The following ZNF236 variants were observed in gnomAD, a reference collection of about 807,000 sequenced individuals.
ZNF236 encodes the protein zinc finger protein 236, also known as regulated by glucose.
A neutral mutation model predicts 191.2 loss-of-function variants in ZNF236; 50 were observed. The observed-to-expected ratio is 0.26, with a 90% CI of 0.21 to 0.33. The LOEUF (loss-of-function observed/expected upper bound fraction) is 0.33. ZNF236 is among the 10% of genes least tolerant of loss of function. The pLI, the probability that ZNF236 is intolerant of heterozygous loss-of-function variation, is 1.00. For missense variants in ZNF236, 1,754 were observed against 2,374.5 expected (o/e 0.74, Z 5.43); for synonymous variants, 907 against 928.8 (o/e 0.98, Z 0.43).
chr18:76,910,035 T>C, intron 14 of ZNF236, 33 bp from the exon 15 acceptor site: 5 of 1,535,600 alleles, frequency 3.3e-6, no homozygotes, highest in Non-Finnish European at 4.5e-6. Flanking sequence ...CTTCCAAATG[T>C]ATGCGTCCCC....
Position 76,956,318 on chromosome 18 carries a change from A to T in ZNF236, c.5112+136A>T, listed in dbSNP as rs555420409. ...CGGTTTTTGAGGAAAAGGTCACTAG[A>T]TGTAGATGTATTGTTCCGGTTGTAA... On this transcript the variant is annotated intron_variant, in intron 28 of 30. Coordinates refer to ENST00000320610, the MANE Select transcript of ZNF236 (RefSeq NM_001306089.2). The T allele has an allele frequency of 7.2e-6, 7 of 973,358 alleles. No homozygotes were observed. In the African/African-American group the frequency reaches 8.2e-5, roughly 11 times the overall value. The allele number at this position is 973,358 out of a possible 1,614,324, so 60.3% of individuals were successfully genotyped here.
chr18:76,826,887 A>AT (rs1198008325), intron 1 of ZNF236, among the ~76,000 whole-genome samples: 2 of 150,862 alleles, frequency 1.3e-5, no homozygotes, highest in Admixed American at 6.6e-5. Flanking sequence ...TTCAACAACT[A>AT]TTTTTTTGTT....
chr18:76,909,462 A>G (rs1458011624), intron 14 of ZNF236, among the ~76,000 whole-genome samples: 1 of 152,148 alleles, frequency 6.6e-6, no homozygotes, highest in South Asian at 2.1e-4. Flanking sequence ...CTCAGTGTAG[A>G]TTCAAAGATG....
intron 10 of ZNF236, chr18:76,898,115 G>A (rs1977488462): frequency 6.6e-6 from 1 of 152,354 alleles, no homozygotes; most frequent in Middle Eastern, 3.4e-3. Flanking sequence ...TTTGATCTGA[G>A]AAGACCTGAA....
intron 1 of ZNF236, among the ~76,000 whole-genome samples, chr18:76,843,028 T>G (rs139150630): frequency 5.3e-5 from 8 of 152,300 alleles, no homozygotes; most frequent in African/African-American, 1.7e-4. Flanking sequence ...AGTCCGAGCA[T>G]TTGGCTTTCT....
intron 11 of ZNF236, among the ~76,000 whole-genome samples, chr18:76,903,264 T>A (rs1977651708): frequency 6.6e-6 from 1 of 152,160 alleles, no homozygotes; most frequent in Admixed American, 6.5e-5. Context: ...GATGCAAGTT[T>A]AAGAGACATT....
Position 76,971,738 on chromosome 18 carries a change from C to G in ZNF236, c.*3399C>G, listed in dbSNP as rs186643224. ...ATTTTAACATGAAATGACCATCACA[C>G]AGATTTATGTTTGGAAATATTCAAG... On this transcript the variant is annotated 3_prime_UTR_variant, in exon 31 of 31. Coordinates refer to ENST00000320610, the MANE Select transcript of ZNF236 (RefSeq NM_001306089.2). Among the ~76,000 whole-genome samples the G allele has an allele frequency of 2.6e-5, 4 of 152,254 alleles. No homozygotes were observed. The highest frequency in any genetic ancestry group is 1.9e-4 in the East Asian group (1 of 5,192).
intron 18 of ZNF236, among the ~76,000 whole-genome samples, chr18:76,915,065 A>G (rs1002800937): frequency 1.3e-5 from 2 of 152,238 alleles, no homozygotes; most frequent in African/African-American, 2.4e-5. Flanking sequence ...GAGAGCAGCA[A>G]TATATGACTT....
rs969347331 is a variant in ZNF236, at chr18:76,927,631, G to A, written c.4414+114G>A. On this transcript the variant is annotated intron_variant, in intron 24 of 30. Coordinates refer to ENST00000320610, the MANE Select transcript of ZNF236 (RefSeq NM_001306089.2). The surrounding 1 kb of genome is among the most constrained non-coding windows in gnomAD (Gnocchi z 5.4). ...GTCATTTTCTTCTCTTTGTAGAAGA[G>A]AATAAATCAAATGTCCTGAGAATAA... is the stretch of plus-strand genomic sequence containing the variant. 5 of 1,349,018 alleles carry A rather than the reference G, an allele frequency of 3.7e-6. No homozygotes were observed. The highest frequency in any genetic ancestry group is 4.0e-6 in the Non-Finnish European group (4 of 1,007,970). The allele number at this position is 1,349,018 out of a possible 1,614,324, so 83.6% of individuals were successfully genotyped here.
intron 3 of ZNF236, among the ~76,000 whole-genome samples, chr18:76,859,621 G>A (rs1477476523): frequency 6.6e-6 from 1 of 152,074 alleles, no homozygotes; most frequent in Non-Finnish European, 1.5e-5. Flanking sequence ...CACAGCAACC[G>A]TGGAAACTTA....
intron 25 of ZNF236, among the ~76,000 whole-genome samples, chr18:76,929,538 G>A (rs977094933): frequency 6.6e-6 from 1 of 152,120 alleles, no homozygotes; most frequent in Non-Finnish European, 1.5e-5. Flanking sequence ...TGTGGATTGT[G>A]CCTCTGTTCT....
chr18:76,942,550 C>T (rs1244703841), intron 26 of ZNF236, among the ~76,000 whole-genome samples: 1 of 151,450 alleles, frequency 6.6e-6, no homozygotes, highest in African/African-American at 2.4e-5. Flanking sequence ...CTCGCTCTGT[C>T]GCCCAGGCTG....
intron 4 of ZNF236, among the ~76,000 whole-genome samples, chr18:76,870,635 C>T (rs747494739): frequency 3.2e-4 from 49 of 152,086 alleles, no homozygotes; most frequent in Non-Finnish European, 5.9e-4. Flanking sequence ...TGGGTGTGTG[C>T]AGTGTGGCTG....
At chr18:76,845,740 T>C (rs748094297) in intron 1 of ZNF236, among the ~76,000 whole-genome samples, 16 of 152,092 alleles carry the variant, frequency 1.1e-4, no homozygotes, top group Non-Finnish European at 2.2e-4. Context: ...TCCCATCTAC[T>C]TGGGAGGCTG....
Position 76,921,017 on chromosome 18 carries a change from C to T in ZNF236, c.3557+959C>T, listed in dbSNP as rs576789772. ...TATTCAGCAACTTAATAAAACAAAC[C>T]GTGAAGATTTTAATATTGCAGGATG... is the stretch of plus-strand genomic sequence containing the variant. On this transcript the variant is annotated intron_variant, in intron 20 of 30. Transcript: ENST00000320610. Among the ~76,000 whole-genome samples the T allele has an allele frequency of 3.9e-5, 6 of 152,216 alleles. 1 individual carries two copies. The highest frequency in any genetic ancestry group is 7.2e-5 in the African/African-American group (3 of 41,516).
At chr18:76,853,952 A>G (rs1196288670) in intron 3 of ZNF236, among the ~76,000 whole-genome samples, 4 of 151,864 alleles carry the variant, frequency 2.6e-5, no homozygotes, top group African/African-American at 9.7e-5. Context: ...GGAGGTTGCA[A>G]TGAGCTGAGA....
intron 27 of ZNF236, among the ~76,000 whole-genome samples, chr18:76,954,046 G>A (rs1056747941): frequency 6.6e-6 from 1 of 152,090 alleles, no homozygotes; most frequent in Non-Finnish European, 1.5e-5. Flanking sequence ...CACTCATTCT[G>A]TAACCGATTT....
intron 25 of ZNF236, among the ~76,000 whole-genome samples, chr18:76,933,482 A>G (rs2122866043): frequency 6.6e-6 from 1 of 151,638 alleles, no homozygotes; most frequent in South Asian, 2.1e-4. Context: ...AAAAAAAAAG[A>G]GTCAGCTGAG....
At position 76,851,763 on chromosome 18, in the gene ZNF236, C is replaced by G. The variant is rs765204685; in HGVS notation, c.199-12C>G. 3.8e-6 allele frequency: 6 copies of G among 1,594,278 alleles called. No individual in the cohort carries two copies. The highest frequency in any genetic ancestry group is 1.2e-5 in the South Asian group (1 of 86,776). Reference sequence around the variant, plus strand: ...GTATTTCAGTGGCTTCTTCACTTTTCTCTCCAAATAGCCACATCGATGTGA... The same window carrying G: ...GTATTTCAGTGGCTTCTTCACTTTTGTCTCCAAATAGCCACATCGATGTGA... On this transcript the variant is annotated splice_polypyrimidine_tract_variant and intron_variant, in intron 2 of 30. Transcript: ENST00000320610.
Sources: gnomAD v4.1 joint callset for allele counts (sites outside exome capture counted in the v4.1 genomes callset) on GRCh38, gnomAD v4.1.1 for gene constraint, Gnocchi (gnomAD v3.1) non-coding constraint, MANE v1.5 for transcripts, NCBI Gene and HGNC (gene_info 2026-07-23, HGNC 2026-07-21) for gene names.